Variants in CDKL3 observed in about 807,000 individuals in gnomAD.
CDKL3 encodes the protein cyclin-dependent kinase-like 3.
Under a neutral mutation model 69.3 loss-of-function variants are expected in CDKL3, and 65 were observed. That is an observed-to-expected ratio of 0.94 (90% CI 0.77 to 1.15). CDKL3 has a LOEUF of 1.15. Among genes scored for constraint, CDKL3 ranks in the 50% most tolerant of loss-of-function variants. The pLI, the probability that CDKL3 is intolerant of heterozygous loss-of-function variation, is 0.00. For missense variants in CDKL3, 652 were observed against 689.2 expected (o/e 0.95, Z 0.61); for synonymous variants, 202 against 221.6 (o/e 0.91, Z 0.79).
intron 4 of CDKL3, among the ~76,000 whole-genome samples, chr5:134,331,288 CCTTT>C (rs922162970): frequency 2.0e-5 from 3 of 152,138 alleles, no homozygotes; most frequent in East Asian, 1.9e-4. Flanking sequence ...ATCCTTTCCT[CCTTT>C]CTTTTTTTAA....
intron 4 of CDKL3, among the ~76,000 whole-genome samples, chr5:134,347,862 C>A (rs185165284): frequency 6.6e-6 from 1 of 152,040 alleles, no homozygotes; most frequent in Admixed American, 6.6e-5. Context: ...TTATCTAGGC[C>A]TGGAAGGGTT....
intron 6 of CDKL3, among the ~76,000 whole-genome samples, chr5:134,313,908 A>C (rs1005779109): frequency 1.3e-5 from 2 of 151,852 alleles, no homozygotes; most frequent in African/African-American, 4.8e-5. Context: ...GGGGCAACAG[A>C]GGGTGGATCA....
At chr5:134,315,278 GT>G (rs148292770) in intron 6 of CDKL3, among the ~76,000 whole-genome samples, 1 of 151,276 alleles carries the variant, frequency 6.6e-6, no homozygotes, top group Admixed American at 6.6e-5. Context: ...AGATTAATGT[GT>G]TTTTTTTCAC....
intron 2 of CDKL3, among the ~76,000 whole-genome samples, chr5:134,362,871 T>A (rs1388362314): frequency 2.6e-5 from 4 of 152,164 alleles, no homozygotes. Context: ...GAGGTTGCAG[T>A]GAGCCAGGAT....
chr5:134,308,729 T>C lies in CDKL3; in HGVS notation c.882-2A>G, dbSNP rs750715905. Reference sequence around the variant, plus strand: ...TTAGCTTTCAGTTCTGGCATGAATCTGACAAAACAAGCAATATCAACGAGT... The same window carrying C: ...TTAGCTTTCAGTTCTGGCATGAATCCGACAAAACAAGCAATATCAACGAGT... On this transcript the variant is annotated splice_acceptor_variant, in intron 7 of 12. Coordinates refer to ENST00000265334, the MANE Select transcript of CDKL3 (RefSeq NM_001113575.2). LOFTEE classifies it high-confidence loss of function. 2 of 1,580,810 alleles carry C rather than the reference T, an allele frequency of 1.3e-6. No individual in the cohort carries two copies. The highest frequency in any genetic ancestry group is 4.0e-5 in the Admixed American group (2 of 49,412).
intron 5 of CDKL3, among the ~76,000 whole-genome samples, chr5:134,321,424 C>T (rs186729945): frequency 3.9e-5 from 6 of 152,128 alleles, no homozygotes; most frequent in Non-Finnish European, 8.8e-5. Context: ...TTTCCAAGTG[C>T]TTTAAAAAAG....
At chr5:134,327,305 G>A (rs1774643451) in intron 4 of CDKL3, among the ~76,000 whole-genome samples, 1 of 152,140 alleles carries the variant, frequency 6.6e-6, no homozygotes, top group Non-Finnish European at 1.5e-5. Context: ...CAAGCTGAGG[G>A]GACCTCAGGT....
At position 134,320,635 on chromosome 5, in the gene CDKL3, C is replaced by T. The variant is rs556856255; in HGVS notation, c.653-1138G>A. Among the ~76,000 whole-genome samples the T allele has an allele frequency of 1.4e-4, 21 of 151,838 alleles. No individual in the cohort carries two copies. The South Asian group carries it at 4.0e-3, about 29-fold the overall frequency. ...TCATGCCTGTATTCCCAGCACTTTG[C>T]GAGGCCCAGGTGGGTGGATCACGAG... On this transcript the variant is annotated intron_variant, in intron 5 of 12. Transcript: ENST00000265334.
At chr5:134,295,144 G>A (rs529874425), downstream of CDKL3, among the ~76,000 whole-genome samples, 1 of 150,256 alleles carries the variant, frequency 6.7e-6, no homozygotes, top group East Asian at 2.0e-4. Context: ...CCTCCCCCAA[G>A]TAGCTGGGAT....
chr5:134,353,609 T>G (rs184565346), intron 3 of CDKL3, among the ~76,000 whole-genome samples: 4 of 150,170 alleles, frequency 2.7e-5, no homozygotes, highest in Non-Finnish European at 5.9e-5. Flanking sequence ...TGGAGTGCAG[T>G]GGCGCAATCT....
At chr5:134,347,201 TA>T (rs57205907) in intron 4 of CDKL3, among the ~76,000 whole-genome samples, 24,199 of 144,226 alleles carry the variant, frequency 0.17, 2,538 homozygotes, top group African/African-American at 0.31. Context: ...AAGTTTACTT[TA>T]AAAAAAAAAA....
chr5:134,364,875 C>A (rs1757029357), intron 2 of CDKL3, among the ~76,000 whole-genome samples: 1 of 150,556 alleles, frequency 6.6e-6, no homozygotes, highest in South Asian at 2.1e-4. Context: ...GGCGTGATCT[C>A]GGCTCACTGC....
At chr5:134,296,035 G>A (rs1765332098), downstream of CDKL3, among the ~76,000 whole-genome samples, 1 of 151,892 alleles carries the variant, frequency 6.6e-6, no homozygotes, top group Admixed American at 6.6e-5. Flanking sequence ...TAGCTGGGAC[G>A]ACAGGTGCCC....
chr5:134,332,427 G>T (rs1481776517), intron 4 of CDKL3, among the ~76,000 whole-genome samples: 1 of 152,082 alleles, frequency 6.6e-6, no homozygotes, highest in Admixed American at 6.6e-5. Flanking sequence ...ATGGTTTTAG[G>T]TCTTACATTT....
chr5:134,295,963 C>A (rs1765328333), downstream of CDKL3, among the ~76,000 whole-genome samples: 1 of 152,140 alleles, frequency 6.6e-6, no homozygotes, highest in Non-Finnish European at 1.5e-5. Flanking sequence ...GTGGCACAAT[C>A]TCAGATCACT....
intron 8 of CDKL3, among the ~76,000 whole-genome samples, chr5:134,288,391 C>G (rs760163617): frequency 1.4e-4 from 21 of 152,184 alleles, no homozygotes; most frequent in Non-Finnish European, 2.5e-4. Flanking sequence ...TTCCAAACCA[C>G]AATAGCGGAC....
chr5:134,307,271 C>T (rs576663602), intron 9 of CDKL3, among the ~76,000 whole-genome samples: 20 of 152,278 alleles, frequency 1.3e-4, no homozygotes, highest in African/African-American at 3.9e-4. Flanking sequence ...TCCCTTCTAC[C>T]TGTTCTGAAT....
At chr5:134,300,625 C>T (rs1025436803) in intron 12 of CDKL3, among the ~76,000 whole-genome samples, 3 of 152,138 alleles carry the variant, frequency 2.0e-5, no homozygotes, top group African/African-American at 7.2e-5. Context: ...ATAAGCAGTA[C>T]AAATAAACTA....
chr5:134,295,012 T>C (rs1280182508), downstream of CDKL3, among the ~76,000 whole-genome samples: 1 of 93,066 alleles, frequency 1.1e-5, no homozygotes, highest in African/African-American at 5.4e-5. Flanking sequence ...TTTTTTTTTC[T>C]TTTTTTTTTT....
Sources: gnomAD v4.1 joint callset for allele counts (sites outside exome capture counted in the v4.1 genomes callset) on GRCh38, gnomAD v4.1.1 for gene constraint, MANE v1.5 for transcripts, NCBI Gene and HGNC (gene_info 2026-07-23, HGNC 2026-07-21) for gene names.